FGD5: variants seen among roughly 807,000 people sequenced by gnomAD.
FGD5 encodes FYVE, RhoGEF and PH domain-containing protein 5.
In FGD5, 28 loss-of-function variants were observed where a neutral mutation model predicts 133.4. The observed-to-expected ratio is 0.21, with a 90% CI of 0.16 to 0.29. FGD5 has a LOEUF of 0.29. Ranked by LOEUF, FGD5 falls within the 10% of genes least tolerant of loss-of-function variation. The pLI is 1.00. For synonymous variants in FGD5, 810 were observed against 776.5 expected, an observed-to-expected ratio of 1.04 and a Z score of -0.72; for missense variants, 1,858 against 1,895.2, an observed-to-expected ratio of 0.98 and a Z score of 0.36.
At position 14,926,147 on chromosome 3, in the gene FGD5, G is replaced by C. The variant is rs777680897; in HGVS notation, c.4146G>C (p.Lys1382Asn). 1 of 1,613,940 alleles carries C rather than the reference G, an allele frequency of 6.2e-7. No individual in the cohort carries two copies. Among genetic ancestry groups the C allele is most frequent in the South Asian group, 1.1e-5 (1 of 91,076 alleles). ...AGAGGGGCAAGCGGCACTGGAAGAA[G>C]CTCTGGTTTGTCATCAAAGGCAAAG... ...RCKRGKRHWK[K>N]LWFVIKGKVL... is the part of the protein sequence containing the mutation. The change falls in exon 18 of 20, where the codon AAG becomes AAC. Residue 1382 changes from lysine to asparagine, a missense_variant. Physicochemically the swap from Lys to Asn is moderately conservative, Grantham distance 94 (BLOSUM62 0). Coordinates refer to ENST00000285046, the MANE Select transcript of FGD5 (RefSeq NM_152536.4).
At chr3:14,909,307 TC>T (rs1282329991) in intron 10 of FGD5, among the ~76,000 whole-genome samples, 38 of 152,196 alleles carry the variant, frequency 2.5e-4, no homozygotes, top group African/African-American at 7.7e-4. Flanking sequence ...ACAGAATACT[TC>T]ATAGGCCACT....
Position 14,926,128 on chromosome 3 carries a change from G to A in FGD5, c.4127G>A (p.Gly1376Asp), listed in dbSNP as rs1275668632. 6.2e-7 allele frequency: 1 copy of A among 1,613,834 alleles called. No homozygotes were observed. Among genetic ancestry groups the A allele is most frequent in the Non-Finnish European group, 8.5e-7 (1 of 1,179,870 alleles). Residue 1376 changes from glycine to aspartate, a missense_variant, in exon 18 of 20, where the codon GGC (glycine) becomes GAC (aspartate). Transcript: ENST00000285046. ...ISGYLSRCKRGKRHWKKLWFV... is the reference protein window; with the variant it reads ...ISGYLSRCKRDKRHWKKLWFV... ...GGCTATCTCAGCCGGTGTAAGAGGG[G>A]CAAGCGGCACTGGAAGAAGCTCTGG... is the stretch of plus-strand genomic sequence containing the variant.
At chr3:14,879,175 CTG>C (rs2037778597) in intron 2 of FGD5, among the ~76,000 whole-genome samples, 1 of 152,250 alleles carries the variant, frequency 6.6e-6, no homozygotes, top group South Asian at 2.1e-4. Flanking sequence ...TATGAGGAAA[CTG>C]AGGCTTGACC....
At chr3:14,920,227 T>A (rs1033175120) in intron 13 of FGD5, 1 of 152,126 alleles carries the variant, frequency 6.6e-6, no homozygotes, top group Non-Finnish European at 1.5e-5. Context: ...GTGTCTACTC[T>A]CAGCAAGCAC....
intron 18 of FGD5, among the ~76,000 whole-genome samples, chr3:14,930,217 A>G (rs2038880160): frequency 6.6e-6 from 1 of 152,204 alleles, no homozygotes; most frequent in Admixed American, 6.5e-5. Flanking sequence ...ACCAATCCTT[A>G]TGCCAGTACC....
Position 14,917,929 on chromosome 3 carries a change from TC to T in FGD5, c.3489+599del, listed in dbSNP as rs1274818863. ...CGAATGAGGAGTCACACAGTATTGA[TC>T]CTTGTTTCACTTAGCACAGTGTCCT... is the stretch of plus-strand genomic sequence containing the variant. On this transcript the variant is annotated intron_variant, in intron 12 of 19. Transcript: ENST00000285046. The surrounding 1 kb of genome is among the most constrained non-coding windows in gnomAD (Gnocchi z 4.1). 6.6e-6 allele frequency among the ~76,000 whole-genome samples: 1 copy of T among 152,230 alleles called. No individual in the cohort carries two copies. The highest frequency in any genetic ancestry group is 1.5e-5 in the Non-Finnish European group (1 of 68,042).
rs1185561700 is a variant in FGD5, at chr3:14,922,556, G to A, written c.3807+8G>A. The stretch of plus-strand genomic sequence containing the variant: ...TGTCACGCCTGTGGCAAGGTGAGTC[G>A]CTGCATCTGGGGTGAGTGTGTGCAT... On this transcript the variant is annotated splice_region_variant and intron_variant, in intron 15 of 19. Coordinates refer to ENST00000285046, the MANE Select transcript of FGD5 (RefSeq NM_152536.4). The surrounding 1 kb of genome is among the most constrained non-coding windows in gnomAD (Gnocchi z 4.1). 10 of 1,572,940 alleles carry A rather than the reference G, an allele frequency of 6.4e-6. No individual in the cohort carries two copies. The highest frequency in any genetic ancestry group is 2.3e-5 in the South Asian group (2 of 85,770).
intron 4 of FGD5, among the ~76,000 whole-genome samples, chr3:14,892,145 C>T (rs1027163651): frequency 6.6e-6 from 1 of 151,966 alleles, no homozygotes; most frequent in African/African-American, 2.4e-5. Context: ...GGCTGTCCAT[C>T]CTCTCTCTCA....
intron 18 of FGD5, among the ~76,000 whole-genome samples, chr3:14,928,631 AC>A (rs1272878711): frequency 3.3e-5 from 5 of 152,064 alleles, no homozygotes; most frequent in Admixed American, 3.3e-4. Flanking sequence ...TGTAGTCTCA[AC>A]TACTTAGGAG....
chr3:14,827,079 A>G (rs2036613393), intron 1 of FGD5, among the ~76,000 whole-genome samples: 1 of 152,112 alleles, frequency 6.6e-6, no homozygotes, highest in Non-Finnish European at 1.5e-5. Context: ...TTTATAACTT[A>G]CAGTTAGTTA....
intron 2 of FGD5, among the ~76,000 whole-genome samples, chr3:14,865,391 C>A (rs541568266): frequency 6.6e-6 from 1 of 152,334 alleles, no homozygotes; most frequent in Admixed American, 6.5e-5. Context: ...AAGGTGATTT[C>A]TTTTAAAAGT....
Position 14,906,507 on chromosome 3 carries a change from A to G in FGD5, c.3265-1133A>G, listed in dbSNP as rs575848583. Among the ~76,000 whole-genome samples, 28 of 152,312 alleles carry G rather than the reference A, an allele frequency of 1.8e-4. No individual in the cohort carries two copies. In the East Asian group the frequency reaches 4.6e-3, roughly 25 times the overall value. On this transcript the variant is annotated intron_variant, in intron 9 of 19. Coordinates refer to ENST00000285046, the MANE Select transcript of FGD5 (RefSeq NM_152536.4). ...CCTCCTCCTGGAACTGAAGCCTTGC[A>G]TGAGAGAAGGCCTGAGGAAGTGGGC... is the stretch of plus-strand genomic sequence containing the variant.
chr3:14,889,989 T>A (rs1388566510), intron 4 of FGD5, among the ~76,000 whole-genome samples: 1 of 152,202 alleles, frequency 6.6e-6, no homozygotes, highest in Admixed American at 6.5e-5. Context: ...CTTACCCAGT[T>A]TTTTTTAACA....
intron 1 of FGD5, among the ~76,000 whole-genome samples, chr3:14,826,891 AACTGTACCTCTG>A (rs1366935566): frequency 1.3e-5 from 2 of 152,192 alleles, no homozygotes; most frequent in African/African-American, 4.8e-5. Flanking sequence ...ATGTGGCATG[AACTGTACCTCTG>A]ACTTCCCATG....
At chr3:14,918,704 A>G (rs919941528) in intron 12 of FGD5, 50 bp from the exon 13 acceptor site, 3 of 1,583,162 alleles carry the variant, frequency 1.9e-6, no homozygotes, top group African/African-American at 1.3e-5. Flanking sequence ...GCCGGTCTAC[A>G]CTTGCCCCTC....
chr3:14,931,796 G>A (rs1312563454), intron 18 of FGD5: 1 of 152,192 alleles, frequency 6.6e-6, no homozygotes, highest in Admixed American at 6.5e-5. Context: ...GGAAGAATGA[G>A]TATAGAATAT....
At chr3:14,925,622 A>C (rs531633280) in intron 17 of FGD5, among the ~76,000 whole-genome samples, 3 of 152,176 alleles carry the variant, frequency 2.0e-5, no homozygotes, top group Non-Finnish European at 4.4e-5. Context: ...TAATAAAAGG[A>C]CTTAACGCTG....
chr3:14,887,409 G>T lies in FGD5; in HGVS notation c.2748+6637G>T, dbSNP rs565261334. ...AAAAAAACTTCCTGCCAGGCATGGG[G>T]GTGCATGCCTGTAGTCTTAGCTACT... On this transcript the variant is annotated intron_variant, in intron 4 of 19. Transcript: ENST00000285046. 4.1e-4 allele frequency among the ~76,000 whole-genome samples: 62 copies of T among 152,156 alleles called. No individual in the cohort carries two copies. The South Asian group carries it at 0.011, about 28-fold the overall frequency.
At chr3:14,833,588 G>A (rs2036759749) in intron 1 of FGD5, among the ~76,000 whole-genome samples, 1 of 152,030 alleles carries the variant, frequency 6.6e-6, no homozygotes, top group Admixed American at 6.6e-5. Flanking sequence ...GAGCTCTTGG[G>A]GTCATTTTTG....
Sources: gnomAD v4.1 joint callset for allele counts (sites outside exome capture counted in the v4.1 genomes callset) on GRCh38, gnomAD v4.1.1 for gene constraint, Gnocchi (gnomAD v3.1) non-coding constraint, MANE v1.5 for transcripts, NCBI Gene and HGNC (gene_info 2026-07-23, HGNC 2026-07-21) for gene names.